NIBAN1: variants seen among roughly 807,000 people sequenced by gnomAD.
NIBAN1 encodes the protein protein Niban 1.
In NIBAN1, 81 loss-of-function variants were observed where a neutral mutation model predicts 75.1. The observed-to-expected ratio is 1.08, with a 90% CI of 0.90 to 1.30. The LOEUF (loss-of-function observed/expected upper bound fraction) is 1.30. NIBAN1 is among the 50% of genes most tolerant of loss of function. The pLI is 0.00. For missense variants in NIBAN1, 1,133 were observed against 1,128.1 expected, an observed-to-expected ratio of 1.00 and a Z score of -0.06; for synonymous variants, 436 against 424.8, an observed-to-expected ratio of 1.03 and a Z score of -0.32.
intron 1 of NIBAN1, among the ~76,000 whole-genome samples, chr1:184,941,848 C>T (rs1571591669): frequency 6.6e-6 from 1 of 152,230 alleles, no homozygotes; most frequent in East Asian, 1.9e-4. Flanking sequence ...GGTCATGTTG[C>T]TGCAGTATTC....
intron 5 of NIBAN1, among the ~76,000 whole-genome samples, chr1:184,874,686 A>T (rs1243246858): frequency 6.6e-6 from 1 of 152,170 alleles, no homozygotes; most frequent in African/African-American, 2.4e-5. Flanking sequence ...TGCAAATAGT[A>T]AAATCAGTCA....
chr1:184,962,397 A>G (rs548258086), intron 1 of NIBAN1, among the ~76,000 whole-genome samples: 1 of 152,328 alleles, frequency 6.6e-6, no homozygotes, highest in African/African-American at 2.4e-5. Context: ...TTTGAGAACC[A>G]TGATTCTCAG....
chr1:184,923,451 G>A (rs895165275), intron 1 of NIBAN1, among the ~76,000 whole-genome samples: 3 of 152,162 alleles, frequency 2.0e-5, no homozygotes, highest in African/African-American at 7.2e-5. Flanking sequence ...ACACCATGCT[G>A]TTTTGGTTAC....
chr1:184,835,110 C>T (rs931009218), intron 5 of NIBAN1, among the ~76,000 whole-genome samples: 16 of 152,160 alleles, frequency 1.1e-4, no homozygotes, highest in Non-Finnish European at 2.4e-4. Flanking sequence ...ATCTTTTCCC[C>T]ATTTCTTGTT....
At chr1:184,968,688 G>A (rs778327276) in intron 1 of NIBAN1, among the ~76,000 whole-genome samples, 1 of 152,204 alleles carries the variant, frequency 6.6e-6, no homozygotes, top group Non-Finnish European at 1.5e-5. Flanking sequence ...ATACTGGTTA[G>A]GATGCTTTGG....
At chr1:184,803,851 A>C (rs10911649) in intron 11 of NIBAN1, among the ~76,000 whole-genome samples, 159 bp from the exon 12 acceptor site, 11 of 152,086 alleles carry the variant, frequency 7.2e-5, no homozygotes, top group African/African-American at 2.7e-4. Context: ...TAATTCCCTC[A>C]CACTGCAGGC....
intron 5 of NIBAN1, among the ~76,000 whole-genome samples, chr1:184,869,492 T>C (rs1656042004): frequency 6.6e-6 from 1 of 152,158 alleles, no homozygotes; most frequent in Non-Finnish European, 1.5e-5. Context: ...TTTAATTTTA[T>C]CTTACAATTG....
intron 1 of NIBAN1, among the ~76,000 whole-genome samples, chr1:184,948,814 G>A (rs935991932): frequency 6.6e-6 from 1 of 151,998 alleles, no homozygotes; most frequent in Non-Finnish European, 1.5e-5. Flanking sequence ...GTGTGGATAT[G>A]TTTATATGAA....
rs773113675 is a variant in NIBAN1 at position 184,795,120 on chromosome 1, C to T, written c.2644G>A (p.Glu882Lys). The T allele has an allele frequency of 1.2e-6, 2 of 1,614,110 alleles. No homozygotes were observed. Among genetic ancestry groups the T allele is most frequent in the Non-Finnish European group, 8.5e-7 (1 of 1,179,982 alleles). ...TCATGAATACGGGCTACCTTGATCT[C>T]CTCTGCATTCACACTGGCCGTGGCC... ...AQATASVNAEEIKVARIHECQ... is the reference protein window; with the variant it reads ...AQATASVNAEKIKVARIHECQ... The change falls in exon 14 of 14, where the codon GAG becomes AAG. Residue 882 changes from glutamate to lysine, a missense_variant. Coordinates refer to ENST00000367511, the MANE Select transcript of NIBAN1 (RefSeq NM_052966.4).
At position 184,931,351 on chromosome 1, in the gene NIBAN1, A is replaced by G. The variant is rs146434831; in HGVS notation, c.56-32042T>C. On this transcript the variant is annotated intron_variant, in intron 1 of 13. Coordinates refer to ENST00000367511, the MANE Select transcript of NIBAN1 (RefSeq NM_052966.4). ...GTATGTCTTTAATCAATGCAGTCTT[A>G]TAACTGGCTTCCACTAGTTGCTATC... 2.2e-4 allele frequency among the ~76,000 whole-genome samples: 34 copies of G among 152,354 alleles called. No homozygotes were observed. The East Asian group carries it at 4.2e-3, about 19-fold the overall frequency.
chr1:184,812,622 C>T (rs1286687651), intron 9 of NIBAN1, among the ~76,000 whole-genome samples: 1 of 152,212 alleles, frequency 6.6e-6, no homozygotes, highest in Admixed American at 6.5e-5. Context: ...TTCTCTTGGT[C>T]TCTGCCTTCC....
At chr1:184,971,553 C>G (rs1281159621) in intron 1 of NIBAN1, among the ~76,000 whole-genome samples, 1 of 152,034 alleles carries the variant, frequency 6.6e-6, no homozygotes, top group African/African-American at 2.4e-5. Context: ...GGCTGTAATC[C>G]TAGCTATTCG....
At chr1:184,894,231 C>T (rs1385755101) in intron 2 of NIBAN1, 25 bp from the exon 3 acceptor site, 1 of 1,579,412 alleles carries the variant, frequency 6.3e-7, no homozygotes, top group Non-Finnish European at 8.6e-7. Context: ...ATACAATTAA[C>T]TATCACAACA....
chr1:184,805,673 G>T (rs979038032), intron 11 of NIBAN1, among the ~76,000 whole-genome samples: 2 of 152,134 alleles, frequency 1.3e-5, no homozygotes, highest in Non-Finnish European at 2.9e-5. Flanking sequence ...CAGCTAATAC[G>T]TGTTTGTCGA....
intron 5 of NIBAN1, among the ~76,000 whole-genome samples, chr1:184,845,101 A>G (rs1267634820): frequency 1.3e-5 from 2 of 152,236 alleles, no homozygotes; most frequent in African/African-American, 4.8e-5. Context: ...CCAATTTTGA[A>G]TAATTGCTTT....
intron 1 of NIBAN1, among the ~76,000 whole-genome samples, chr1:184,927,156 C>T (rs1376600955): frequency 6.6e-6 from 1 of 151,982 alleles, no homozygotes; most frequent in African/African-American, 2.4e-5. Flanking sequence ...CAAGATTGGT[C>T]CCTGGTGTCT....
intron 1 of NIBAN1, among the ~76,000 whole-genome samples, chr1:184,941,253 A>G (rs1012117760): frequency 6.6e-6 from 1 of 152,200 alleles, no homozygotes; most frequent in African/African-American, 2.4e-5. Context: ...TAGATATACA[A>G]TCATGTCATC....
At chr1:184,904,322 C>T (rs984540779) in intron 1 of NIBAN1, among the ~76,000 whole-genome samples, 1 of 152,158 alleles carries the variant, frequency 6.6e-6, no homozygotes, top group Non-Finnish European at 1.5e-5. Flanking sequence ...GCCATCACAC[C>T]CACCCTAAAT....
intron 1 of NIBAN1, among the ~76,000 whole-genome samples, chr1:184,910,803 A>G (rs933042119): frequency 6.6e-5 from 10 of 152,182 alleles, no homozygotes; most frequent in Admixed American, 1.3e-4. Context: ...GGTGGCCCTC[A>G]TCCAATTAGT....
Sources: allele counts gnomAD v4.1 joint callset (sites outside exome capture counted in the v4.1 genomes callset), GRCh38; gene constraint gnomAD v4.1.1; transcripts MANE v1.5; gene names NCBI Gene and HGNC (gene_info 2026-07-23, HGNC 2026-07-21).